Variants in RASGEF1C observed in about 807,000 individuals in gnomAD.
RASGEF1C encodes RasGEF domain family member 1C.
A neutral mutation model predicts 58.1 loss-of-function variants in RASGEF1C; 27 were observed. The ratio of observed to expected loss-of-function variants is 0.46; its 90% CI spans 0.34 to 0.64. The LOEUF (loss-of-function observed/expected upper bound fraction) is 0.64, where lower values mean the gene tolerates loss of function less well. RASGEF1C is among the 30% of genes least tolerant of loss of function. The pLI, the probability that RASGEF1C is intolerant of heterozygous loss-of-function variation, is 0.01. For missense variants in RASGEF1C, 502 were observed against 605.1 expected (o/e 0.83, Z 1.79); for synonymous variants, 243 against 246.3 (o/e 0.99, Z 0.13).
chr5:180,122,377 T>C (rs565720289), intron 6 of RASGEF1C, among the ~76,000 whole-genome samples: 8 of 152,268 alleles, frequency 5.3e-5, no homozygotes, highest in Non-Finnish European at 8.8e-5. Context: ...TTTAAATGGA[T>C]TTAGAACTTT....
intron 1 of RASGEF1C, 126 bp downstream of exon 1, chr5:180,208,902 T>G (rs1233416186): frequency 6.8e-6 from 1 of 146,420 alleles, no homozygotes; most frequent in Non-Finnish European, 1.5e-5. Flanking sequence ...CGGCGCACGC[T>G]CCCGCGCCGC....
chr5:180,147,668 T>C (rs975431789), intron 1 of RASGEF1C, among the ~76,000 whole-genome samples: 5 of 152,224 alleles, frequency 3.3e-5, no homozygotes, highest in African/African-American at 9.6e-5. Context: ...GGATACTTCA[T>C]ATGATATCTC....
At chr5:180,191,848 C>T (rs1193759502) in intron 1 of RASGEF1C, among the ~76,000 whole-genome samples, 1 of 152,226 alleles carries the variant, frequency 6.6e-6, no homozygotes, top group African/African-American at 2.4e-5. Context: ...TGGACCTCTG[C>T]TCAGGGGCTC....
chr5:180,114,680 C>G lies in RASGEF1C; in HGVS notation c.1084-139G>C, dbSNP rs866637646. 5.8e-6 allele frequency: 4 copies of G among 684,492 alleles called. No homozygotes were observed. The South Asian group carries it at 6.9e-5, about 12-fold the overall frequency. 42.4% of individuals were successfully genotyped at this position (684,492 alleles called of 1,614,324 possible). A position where few individuals can be genotyped will look rare whatever the true frequency, so the allele number is the denominator to read the frequency against. ...AGGGTGCAGAGGGCAGGGGAGACTTCCTGGGCTAGCCGGGGCCTTGGGACT... is the reference window on the plus strand; with the variant it reads ...AGGGTGCAGAGGGCAGGGGAGACTTGCTGGGCTAGCCGGGGCCTTGGGACT... On this transcript the variant is annotated intron_variant, in intron 10 of 13. Transcript: ENST00000361132.
intron 8 of RASGEF1C, 28 bp from the exon 9 acceptor site, chr5:180,118,894 G>T: frequency 6.2e-7 from 1 of 1,604,090 alleles, no homozygotes; most frequent in Non-Finnish European, 8.5e-7. Context: ...GTTGGAGAGG[G>T]CTGCTCCTGG....
chr5:180,208,131 T>C (rs892420241), intron 1 of RASGEF1C, among the ~76,000 whole-genome samples: 8 of 152,058 alleles, frequency 5.3e-5, no homozygotes, highest in African/African-American at 1.9e-4. Flanking sequence ...GGAGCCAGTC[T>C]TACCAGAGGT....
intron 1 of RASGEF1C, among the ~76,000 whole-genome samples, chr5:180,174,779 C>T (rs935772301): frequency 6.6e-6 from 1 of 152,186 alleles, no homozygotes; most frequent in East Asian, 1.9e-4. Context: ...CGATCGTGAC[C>T]GGTTCCTGCT....
chr5:180,166,629 C>T (rs908874171), intron 1 of RASGEF1C, among the ~76,000 whole-genome samples: 1 of 151,994 alleles, frequency 6.6e-6, no homozygotes, highest in African/African-American at 2.4e-5. Flanking sequence ...GATTCTCCTG[C>T]CTCAGCCTCC....
intron 11 of RASGEF1C, 87 bp from the exon 12 acceptor site, chr5:180,111,667 C>T (rs1364025881): frequency 7.5e-6 from 11 of 1,462,400 alleles, no homozygotes; most frequent in Non-Finnish European, 1.0e-5. Flanking sequence ...GGCAGAGACC[C>T]TCTCAACACC....
chr5:180,108,215 T>C (rs1765900649), intron 12 of RASGEF1C, among the ~76,000 whole-genome samples: 1 of 151,486 alleles, frequency 6.6e-6, no homozygotes, highest in Admixed American at 6.6e-5. Flanking sequence ...TTTTTTTTTT[T>C]TTTTGAGACA....
chr5:180,184,083 G>A (rs1278980728), intron 1 of RASGEF1C, among the ~76,000 whole-genome samples: 1 of 151,460 alleles, frequency 6.6e-6, no homozygotes, highest in African/African-American at 2.4e-5. Flanking sequence ...AGAATCACTT[G>A]AACCTGGGAG....
At chr5:180,182,297 C>T (rs1370039901) in intron 1 of RASGEF1C, among the ~76,000 whole-genome samples, 1 of 143,476 alleles carries the variant, frequency 7.0e-6, no homozygotes, top group Non-Finnish European at 1.5e-5. Context: ...TCTGGAGTTT[C>T]TTCCTTCCGG....
chr5:180,121,637 TCACACACACACA>T (rs762495633), intron 6 of RASGEF1C, among the ~76,000 whole-genome samples: 15 of 113,260 alleles, frequency 1.3e-4, no homozygotes, highest in East Asian at 7.9e-4. Flanking sequence ...AAATGTAACT[TCACACACACACA>T]CACACACACA....
intron 1 of RASGEF1C, among the ~76,000 whole-genome samples, chr5:180,202,249 A>G (rs536517030): frequency 1.6e-4 from 25 of 152,312 alleles, no homozygotes; most frequent in African/African-American, 6.0e-4. Flanking sequence ...AGAGAAAGCA[A>G]TCTAGAATAC....
intron 1 of RASGEF1C, among the ~76,000 whole-genome samples, chr5:180,157,181 T>C (rs2113297609): frequency 1.3e-5 from 2 of 152,366 alleles, no homozygotes; most frequent in Admixed American, 1.3e-4. Context: ...CCAAAAGAGT[T>C]GAAAATTTAT....
At chr5:180,144,426 A>G (rs776452711) in intron 1 of RASGEF1C, among the ~76,000 whole-genome samples, 5 of 152,194 alleles carry the variant, frequency 3.3e-5, no homozygotes, top group Non-Finnish European at 5.9e-5. Context: ...ACACATTCTC[A>G]AGAGTTTGAG....
intron 1 of RASGEF1C, among the ~76,000 whole-genome samples, chr5:180,181,932 A>G (rs2028725): frequency 0.19 from 29,365 of 150,792 alleles, 3,634 homozygotes; most frequent in African/African-American, 0.34. Context: ...GGCCGGGCGC[A>G]GTGGCTCACG....
At chr5:180,122,280 C>A (rs1256645961) in intron 6 of RASGEF1C, among the ~76,000 whole-genome samples, 1 of 152,176 alleles carries the variant, frequency 6.6e-6, no homozygotes, top group Non-Finnish European at 1.5e-5. Context: ...TGTGTGTATG[C>A]ATGCATCTAT....
intron 7 of RASGEF1C, 38 bp downstream of exon 7, chr5:180,121,022 G>T (rs1231938495): frequency 2.0e-6 from 3 of 1,496,188 alleles, no homozygotes; most frequent in Non-Finnish European, 2.8e-6. Flanking sequence ...GCCGCCTGGG[G>T]CTATGCCAGG....
Sources: allele counts gnomAD v4.1 joint callset (sites outside exome capture counted in the v4.1 genomes callset), GRCh38; gene constraint gnomAD v4.1.1; transcripts MANE v1.5; gene names NCBI Gene and HGNC (gene_info 2026-07-23, HGNC 2026-07-21).